PSORS1C1: variants seen among roughly 807,000 people sequenced by gnomAD.
PSORS1C1 encodes psoriasis susceptibility 1 candidate 1, also known as psoriasis susceptibility 1 candidate gene 1 protein.
PSORS1C1 carries 7 observed loss-of-function variants against 9.4 expected under a neutral mutation model. The ratio of observed to expected loss-of-function variants is 0.75; its 90% CI spans 0.42 to 1.40. The LOEUF (loss-of-function observed/expected upper bound fraction) is 1.40. PSORS1C1 is among the 40% of genes most tolerant of loss of function. The pLI, the probability that PSORS1C1 is intolerant of heterozygous loss-of-function variation, is 0.01. For missense variants in PSORS1C1, 146 were observed against 178.1 expected (o/e 0.82, Z 1.02); for synonymous variants, 63 against 69.4 (o/e 0.91, Z 0.46).
At chr6:31,138,075 CG>C in intron 3 of PSORS1C1, 2 of 1,566,444 alleles carry the variant, frequency 1.3e-6, no homozygotes, top group Non-Finnish European at 1.7e-6. Flanking sequence ...GTCGTCAGGC[CG>C]GGGAGGTTGA....
At position 31,139,504 on chromosome 6, in the gene PSORS1C1, G is replaced by A; in HGVS notation, c.168-137G>A. The A allele has an allele frequency of 2.6e-6, 2 of 762,758 alleles. No homozygotes were observed. Among genetic ancestry groups the A allele is most frequent in the Non-Finnish European group, 4.2e-6 (2 of 476,770 alleles). The allele number at this position is 762,758 out of a possible 1,614,324, so 47.2% of individuals were successfully genotyped here. A position where few individuals can be genotyped will look rare whatever the true frequency, so the allele number is the denominator to read the frequency against. On this transcript the variant is annotated intron_variant, in intron 5 of 5. Coordinates refer to ENST00000259881, the MANE Select transcript of PSORS1C1 (RefSeq NM_014068.3). The surrounding 1 kb of genome is among the most constrained non-coding windows in gnomAD (Gnocchi z 5.2). ...GCTTTTCAAACCTGGGATGCAGCTG[G>A]GACAGTGTCAGCTACTACCCCAGCC...
chr6:31,124,664 GAGA>G (rs1326580803), intron 1 of PSORS1C1, among the ~76,000 whole-genome samples: 1 of 152,188 alleles, frequency 6.6e-6, no homozygotes, highest in Non-Finnish European at 1.5e-5. Context: ...TATTTCTAGA[GAGA>G]AGATTTCTGC....
rs1167492307 is a variant in PSORS1C1 at position 31,116,980 on chromosome 6, C to T, written c.-229+2089C>T. The T allele has an allele frequency of 1.2e-6, 2 of 1,614,082 alleles. No individual in the cohort carries two copies. The highest frequency in any genetic ancestry group is 1.7e-6 in the Non-Finnish European group (2 of 1,180,048). On this transcript the variant is annotated intron_variant, in intron 1 of 5. Transcript: ENST00000259881. Reference sequence around the variant, plus strand: ...CGAACTACAGGGACGCTGGTTGGAGCTGACGCTTTGGCCACTGCTGGATAC... The same window carrying T: ...CGAACTACAGGGACGCTGGTTGGAGTTGACGCTTTGGCCACTGCTGGATAC...
intron 3 of PSORS1C1, chr6:31,137,446 T>G (rs968560001): frequency 6.6e-6 from 1 of 152,628 alleles, no homozygotes; most frequent in Non-Finnish European, 1.5e-5. Context: ...AGAGCGAGAC[T>G]TCGTCTCAAA....
In PSORS1C1 at chr6:31,139,179, G is replaced by A; in HGVS notation, c.167+400G>A. The A allele has an allele frequency of 1.6e-6, 1 of 635,810 alleles. No individual in the cohort carries two copies. The highest frequency in any genetic ancestry group is 2.8e-6 in the Non-Finnish European group (1 of 360,342). 39.4% of individuals were successfully genotyped at this position (635,810 alleles called of 1,614,324 possible). ...TGGTCAAACCCGTTGGGAAGGCCTG[G>A]GCTGATGTGTCACCCCTGAAGGTGG... On this transcript the variant is annotated intron_variant, in intron 5 of 5. Transcript: ENST00000259881. This position sits in a 1 kb window ranked among gnomAD's most constrained non-coding sequence, Gnocchi z 5.2.
intron 2 of PSORS1C1, among the ~76,000 whole-genome samples, chr6:31,127,750 G>T (rs1416164107): frequency 6.6e-6 from 1 of 151,786 alleles, no homozygotes. Context: ...GGAGGTAGAG[G>T]TTGCAGTGAG....
intron 3 of PSORS1C1, among the ~76,000 whole-genome samples, chr6:31,130,933 A>G (rs1772884755): frequency 6.6e-6 from 1 of 151,614 alleles, no homozygotes; most frequent in Non-Finnish European, 1.5e-5. Flanking sequence ...AGCTCAAGCA[A>G]TCTTCCACCT....
rs117483431 is a variant in PSORS1C1 at position 31,134,671 on chromosome 6, G to A, written c.14-3759G>A. On this transcript the variant is annotated intron_variant, in intron 3 of 5. Coordinates refer to ENST00000259881, the MANE Select transcript of PSORS1C1 (RefSeq NM_014068.3). The stretch of plus-strand genomic sequence containing the variant: ...CTGGGTTCTAAGTGGTGAAATTTAA[G>A]GTTATGCAACCTCAGTTTCTTTTAA... Among the ~76,000 whole-genome samples, 548 of 152,238 alleles carry A rather than the reference G, an allele frequency of 3.6e-3. 12 individuals are homozygous for A. In the East Asian group the frequency reaches 0.06, roughly 17 times the overall value.
In PSORS1C1 at chr6:31,138,459, G is replaced by C. The variant is rs79592231; in HGVS notation, c.43G>C (p.Gly15Arg). The change falls in exon 4 of 6, where the codon GGC becomes CGC. Residue 15 changes from glycine (G) to arginine (R), a missense_variant and splice_region_variant. Coordinates refer to ENST00000259881, the MANE Select transcript of PSORS1C1 (RefSeq NM_014068.3). Reference sequence around the variant, plus strand: ...AAAAAGTCACTCTCAAAGAGCTCTCGGTAGGTTTGTAAATACTTAACTGAT... The same window carrying C: ...AAAAAGTCACTCTCAAAGAGCTCTCCGTAGGTTTGTAAATACTTAACTGAT... ...DQKSHSQRALGTQTPALQGPQ... is the reference protein window; with the variant it reads ...DQKSHSQRALRTQTPALQGPQ... The C allele has an allele frequency of 1.2e-6, 2 of 1,612,562 alleles. No individual in the cohort carries two copies. The highest frequency in any genetic ancestry group is 1.1e-5 in the South Asian group (1 of 91,034).
intron 3 of PSORS1C1, among the ~76,000 whole-genome samples, chr6:31,130,438 G>T (rs192245402): frequency 6.7e-6 from 1 of 150,180 alleles, no homozygotes; most frequent in Non-Finnish European, 1.5e-5. Flanking sequence ...TTGAGATGGA[G>T]TCTCACTCTG....
chr6:31,116,375 G>A (rs1420677671), intron 1 of PSORS1C1: 2 of 1,609,178 alleles, frequency 1.2e-6, no homozygotes, highest in Non-Finnish European at 1.7e-6. Flanking sequence ...CTGCCGCAGG[G>A]ATGGTAGGGT....
At position 31,116,243 on chromosome 6, in the gene PSORS1C1, G is replaced by T. The variant is rs778565440; in HGVS notation, c.-229+1352G>T. 6.2e-6 allele frequency: 10 copies of T among 1,613,934 alleles called. No individual in the cohort carries two copies. The highest frequency in any genetic ancestry group is 7.6e-6 in the Non-Finnish European group (9 of 1,179,974). ...GTCAAGGAGGAGACAGACATGCAAGGGTGACCAGAAGAGCTGGACTTGCTG... is the reference window on the plus strand; with the variant it reads ...GTCAAGGAGGAGACAGACATGCAAGTGTGACCAGAAGAGCTGGACTTGCTG... On this transcript the variant is annotated intron_variant, in intron 1 of 5. Transcript: ENST00000259881.
intron 3 of PSORS1C1, among the ~76,000 whole-genome samples, chr6:31,133,946 AGTTTT>A (rs1267573734): frequency 2.0e-5 from 3 of 152,062 alleles, no homozygotes. Flanking sequence ...CCCTAAGCTT[AGTTTT>A]GTTTCATTCG....
At chr6:31,117,670 GA>G (rs1015850614) in intron 1 of PSORS1C1, 1 of 725,366 alleles carries the variant, frequency 1.4e-6, no homozygotes, top group African/African-American at 1.8e-5. Flanking sequence ...AAAGGAGGAA[GA>G]ACTGGCTATT....
Position 31,139,761 on chromosome 6 carries a change from G to C in PSORS1C1, c.288G>C (p.Leu96=). 6.2e-7 allele frequency: 1 copy of C among 1,613,104 alleles called. No homozygotes were observed. Among genetic ancestry groups the C allele is most frequent in the Non-Finnish European group, 8.5e-7 (1 of 1,180,036 alleles). ...DILVPSSHPE[L]FASVLPMAPE... ...TGGTTCCCTCTTCCCACCCAGAGCT[G>C]TTTGCATCAGTCCTGCCAATGGCTC... is the stretch of plus-strand genomic sequence containing the variant. Residue 96 remains leucine (L), a synonymous_variant, in exon 6 of 6, where the codon CTG becomes CTC. Coordinates refer to ENST00000259881, the MANE Select transcript of PSORS1C1 (RefSeq NM_014068.3). This position sits in a 1 kb window ranked among gnomAD's most constrained non-coding sequence, Gnocchi z 5.2.
At chr6:31,116,262 C>T in intron 1 of PSORS1C1, 1 of 1,614,096 alleles carries the variant, frequency 6.2e-7, no homozygotes, top group East Asian at 2.2e-5. Flanking sequence ...AAGAGCTGGA[C>T]TTGCTGCCAC....
rs1486900200 is a variant in PSORS1C1, at chr6:31,139,880, T to G, written c.407T>G (p.Leu136Trp). ...TCTAGGACCTTGGCTCCAACTCTATTGTACTCGTCTCCTCCCTCCCATTCT... is the reference window on the plus strand; with the variant it reads ...TCTAGGACCTTGGCTCCAACTCTATGGTACTCGTCTCCTCCCTCCCATTCT... ...SASRTLAPTL[L>W]YSSPPSHSPF... The change falls in exon 6 of 6, where the codon TTG becomes TGG. Residue 136 changes from leucine to tryptophan, a missense_variant. By Grantham distance (61) the Leu-to-Trp change is moderately conservative (BLOSUM62 -2). Coordinates refer to ENST00000259881, the MANE Select transcript of PSORS1C1 (RefSeq NM_014068.3). The surrounding 1 kb of genome is among the most constrained non-coding windows in gnomAD (Gnocchi z 5.2). 2.5e-6 allele frequency: 4 copies of G among 1,613,074 alleles called. No individual in the cohort carries two copies. Among genetic ancestry groups the G allele is most frequent in the Non-Finnish European group, 3.4e-6 (4 of 1,180,010 alleles).
At chr6:31,135,574 G>A (rs921686844) in intron 3 of PSORS1C1, among the ~76,000 whole-genome samples, 3 of 152,156 alleles carry the variant, frequency 2.0e-5, no homozygotes, top group African/African-American at 7.2e-5. Flanking sequence ...GAGACTGCAC[G>A]TCACTCTAAG....
rs955673720 is a variant in PSORS1C1 at position 31,139,480 on chromosome 6, C to G, written c.168-161C>G. The G allele has an allele frequency of 1.5e-6, 1 of 650,092 alleles. No homozygotes were observed. The highest frequency in any genetic ancestry group is 2.6e-6 in the Non-Finnish European group (1 of 381,160). 40.3% of individuals were successfully genotyped at this position (650,092 alleles called of 1,614,324 possible). On this transcript the variant is annotated intron_variant, in intron 5 of 5. Coordinates refer to ENST00000259881, the MANE Select transcript of PSORS1C1 (RefSeq NM_014068.3). This position sits in a 1 kb window ranked among gnomAD's most constrained non-coding sequence, Gnocchi z 5.2. Reference sequence around the variant, plus strand: ...GATGCCTGCGCTGAGGGAGGAGGTGCTTTTCAAACCTGGGATGCAGCTGGG... The same window carrying G: ...GATGCCTGCGCTGAGGGAGGAGGTGGTTTTCAAACCTGGGATGCAGCTGGG...
Sources: allele counts gnomAD v4.1 joint callset (sites outside exome capture counted in the v4.1 genomes callset), GRCh38; gene constraint gnomAD v4.1.1; non-coding constraint Gnocchi (gnomAD v3.1); transcripts MANE v1.5; gene names NCBI Gene and HGNC (gene_info 2026-07-23, HGNC 2026-07-21).